PTPRK: variants seen among roughly 807,000 people sequenced by gnomAD.
The protein encoded by PTPRK is receptor-type tyrosine-protein phosphatase kappa.
In PTPRK, 75 loss-of-function variants were observed where a neutral mutation model predicts 178.0. The ratio of observed to expected loss-of-function variants is 0.42; its 90% confidence interval spans 0.35 to 0.51. The LOEUF is 0.51. Ranked by LOEUF, PTPRK falls within the 20% of genes least tolerant of loss-of-function variation. The pLI, the probability that PTPRK is intolerant of heterozygous loss-of-function variation, is 0.02. For missense variants in PTPRK, 1,441 were observed against 1,797.8 expected (o/e 0.80, Z 3.59); for synonymous variants, 637 against 620.6 (o/e 1.03, Z -0.39).
At chr6:128,003,783 GCAAAACTTACTTT>G (rs1433594938) in intron 15 of PTPRK, among the ~76,000 whole-genome samples, 10 of 151,576 alleles carry the variant, frequency 6.6e-5, no homozygotes, top group African/African-American at 2.4e-4. Flanking sequence ...TTTATTTTCC[GCAAAACTTACTTT>G]CAACAGTAAT....
At chr6:128,505,305 G>C (rs1856165299) in intron 1 of PTPRK, among the ~76,000 whole-genome samples, 1 of 151,240 alleles carries the variant, frequency 6.6e-6, no homozygotes, top group East Asian at 2.0e-4. Context: ...GCCATGCGTG[G>C]TGGCACATGC....
At chr6:128,045,579 C>G (rs74919980) in intron 13 of PTPRK, among the ~76,000 whole-genome samples, 6,345 of 151,776 alleles carry the variant, frequency 0.042, 320 homozygotes, top group African/African-American at 0.12. Context: ...GAAAAATGAC[C>G]ACTCCACATT....
rs1775878320 is a variant in PTPRK, at chr6:127,985,625, GT to G, written c.3251+95del. ...TATAATACAAGCAAGCTGGAACTTC[GT>G]AAGCACACATTAGTTTTTGTGCTCA... On this transcript the variant is annotated intron_variant, in intron 22 of 29. Coordinates refer to ENST00000368226, the MANE Select transcript of PTPRK (RefSeq NM_002844.4). The G allele has an allele frequency of 2.3e-6, 3 of 1,327,350 alleles. No individual in the cohort carries two copies. The African/African-American group carries it at 4.4e-5, about 19-fold the overall frequency. The allele number at this position is 1,327,350 out of a possible 1,614,324, so 82.2% of individuals were successfully genotyped here. A position where few individuals can be genotyped will look rare whatever the true frequency, so the allele number is the denominator to read the frequency against.
intron 7 of PTPRK, among the ~76,000 whole-genome samples, chr6:128,126,281 T>C (rs112603871): frequency 0.057 from 8,636 of 152,106 alleles, 631 homozygotes; most frequent in African/African-American, 0.17. Flanking sequence ...TGTGTTTTCA[T>C]TGTTCATTTA....
intron 2 of PTPRK, among the ~76,000 whole-genome samples, chr6:128,350,796 C>T (rs969708249): frequency 6.6e-6 from 1 of 152,086 alleles, no homozygotes; most frequent in African/African-American, 2.4e-5. Context: ...GCTTATATTA[C>T]CTGTTAGCTA....
intron 2 of PTPRK, among the ~76,000 whole-genome samples, chr6:128,341,421 C>A (rs1831641575): frequency 6.6e-6 from 1 of 152,058 alleles, no homozygotes; most frequent in Admixed American, 6.6e-5. Flanking sequence ...GAATTTGTCA[C>A]ACACAATACC....
intron 2 of PTPRK, 48 bp downstream of exon 2, chr6:128,397,518 T>C (rs1413154536): frequency 2.5e-6 from 4 of 1,596,586 alleles, no homozygotes; most frequent in Non-Finnish European, 2.6e-6. Context: ...AAATCATAGA[T>C]ACTGCAAAAC....
At chr6:128,234,328 T>C (rs1459829801) in intron 5 of PTPRK, among the ~76,000 whole-genome samples, 1 of 152,210 alleles carries the variant, frequency 6.6e-6, no homozygotes, top group East Asian at 1.9e-4. Context: ...TACTCATTTT[T>C]TCCTCATTTG....
chr6:128,040,147 TTCTC>T (rs1776926990), intron 13 of PTPRK, among the ~76,000 whole-genome samples: 2 of 152,156 alleles, frequency 1.3e-5, no homozygotes, highest in Admixed American at 6.6e-5. Context: ...TCTGTTTTCC[TTCTC>T]TCTATTAACA....
At chr6:128,000,934 T>C (rs117268641) in intron 15 of PTPRK, among the ~76,000 whole-genome samples, 1,846 of 152,120 alleles carry the variant, frequency 0.012, 19 homozygotes, top group Non-Finnish European at 0.018. Context: ...TTACAGATGA[T>C]TGTGTCCCAA....
intron 3 of PTPRK, chr6:128,321,805 G>T: frequency 1.4e-6 from 1 of 712,846 alleles, no homozygotes; most frequent in Non-Finnish European, 2.5e-6. Flanking sequence ...AAGGTTTTGT[G>T]CCAATGTCTC....
chr6:128,446,289 G>A (rs1847015068), intron 1 of PTPRK, among the ~76,000 whole-genome samples: 1 of 152,152 alleles, frequency 6.6e-6, no homozygotes, highest in Admixed American at 6.5e-5. Flanking sequence ...AAGCCACGGG[G>A]GAAGTAATTA....
intron 7 of PTPRK, among the ~76,000 whole-genome samples, chr6:128,116,073 C>G (rs1389487407): frequency 6.6e-6 from 1 of 152,210 alleles, no homozygotes; most frequent in South Asian, 2.1e-4. Context: ...TCATTTGTTA[C>G]ATTTTACAAG....
At chr6:128,030,988 A>T (rs1022750987) in intron 13 of PTPRK, among the ~76,000 whole-genome samples, 1 of 152,256 alleles carries the variant, frequency 6.6e-6, no homozygotes, top group Non-Finnish European at 1.5e-5. Flanking sequence ...CATGATAGAT[A>T]AAATGATTAA....
intron 7 of PTPRK, among the ~76,000 whole-genome samples, chr6:128,165,132 A>T (rs1200291215): frequency 6.6e-6 from 1 of 151,014 alleles, no homozygotes; most frequent in African/African-American, 2.4e-5. Context: ...CTACCGCATT[A>T]AAAAAAACCT....
At chr6:128,161,039 A>G (rs915083074) in intron 7 of PTPRK, among the ~76,000 whole-genome samples, 5 of 151,612 alleles carry the variant, frequency 3.3e-5, no homozygotes, top group African/African-American at 9.7e-5. Context: ...ATGGTCTTGT[A>G]TTCTCTTCCA....
At chr6:128,404,900 G>C (rs1465665369) in intron 1 of PTPRK, among the ~76,000 whole-genome samples, 1 of 152,150 alleles carries the variant, frequency 6.6e-6, no homozygotes. Context: ...ACTACATTAA[G>C]TGTCTCCTAA....
chr6:128,216,252 T>C (rs776100485), intron 6 of PTPRK, among the ~76,000 whole-genome samples: 1 of 151,676 alleles, frequency 6.6e-6, no homozygotes, highest in Non-Finnish European at 1.5e-5. Context: ...AAAGGAAAAA[T>C]AAGGCCGGGA....
chr6:128,174,110 C>A (rs928917773), intron 7 of PTPRK, among the ~76,000 whole-genome samples: 1 of 151,816 alleles, frequency 6.6e-6, no homozygotes, highest in African/African-American at 2.4e-5. Context: ...CAGATTTCTG[C>A]ATGTTTGTAG....
Sources: allele counts gnomAD v4.1 joint callset (sites outside exome capture counted in the v4.1 genomes callset), GRCh38; gene constraint gnomAD v4.1.1; transcripts MANE v1.5; gene names NCBI Gene and HGNC (gene_info 2026-07-23, HGNC 2026-07-21).